Variants in SMC5 observed in about 807,000 individuals in gnomAD.
SMC5 encodes structural maintenance of chromosomes protein 5.
A neutral mutation model predicts 148.3 loss-of-function variants in SMC5; 88 were observed. That is an observed-to-expected ratio of 0.59 (90% CI 0.50 to 0.71). SMC5 has a LOEUF of 0.71. Ranked by LOEUF, SMC5 falls within the 30% of genes least tolerant of loss-of-function variation. SMC5 has a pLI of 0.00. For synonymous variants in SMC5, 421 were observed against 432.8 expected (o/e 0.97, Z 0.34); for missense variants, 1,142 against 1,298.9 (o/e 0.88, Z 1.86).
At chr9:70,340,144 A>C (rs1157409378) in intron 17 of SMC5, among the ~76,000 whole-genome samples, 2 of 152,030 alleles carry the variant, frequency 1.3e-5, no homozygotes, top group Non-Finnish European at 2.9e-5. Context: ...TTACATCAGA[A>C]TTAATATTAG....
At chr9:70,285,726 A>G (rs1046692263) in intron 7 of SMC5, among the ~76,000 whole-genome samples, 13 of 152,234 alleles carry the variant, frequency 8.5e-5, no homozygotes, top group Non-Finnish European at 1.9e-4. Flanking sequence ...GATGTGTAAT[A>G]TGTGTCTATA....
chr9:70,324,308 G>T (rs1282816035), intron 17 of SMC5, among the ~76,000 whole-genome samples, 165 bp downstream of exon 17: 1 of 152,132 alleles, frequency 6.6e-6, no homozygotes, highest in Non-Finnish European at 1.5e-5. Flanking sequence ...AAATACTTAA[G>T]ACTGGTTGAG....
chr9:70,273,862 A>G (rs890079423), intron 3 of SMC5, among the ~76,000 whole-genome samples: 2 of 152,198 alleles, frequency 1.3e-5, no homozygotes, highest in African/African-American at 2.4e-5. Flanking sequence ...GGCTAAAAGA[A>G]TAAGTTTTCT....
At chr9:70,345,993 A>G (rs1347622081) in intron 18 of SMC5, among the ~76,000 whole-genome samples, 1 of 152,176 alleles carries the variant, frequency 6.6e-6, no homozygotes, top group African/African-American at 2.4e-5. Context: ...TGGATTTGAC[A>G]TGAAGGATGA....
At chr9:70,288,785 C>A (rs1473219431) in intron 8 of SMC5, among the ~76,000 whole-genome samples, 3 of 152,006 alleles carry the variant, frequency 2.0e-5, no homozygotes, top group Non-Finnish European at 2.9e-5. Context: ...TTCTACTTAA[C>A]ACTGCTTTAT....
At chr9:70,266,986 C>G (rs1587615786) in intron 2 of SMC5, among the ~76,000 whole-genome samples, 1 of 150,566 alleles carries the variant, frequency 6.6e-6, no homozygotes, top group South Asian at 2.1e-4. Context: ...ATGTTAAAAC[C>G]TGTACTTTTA....
intron 8 of SMC5, among the ~76,000 whole-genome samples, chr9:70,294,080 A>T (rs1291530932): frequency 6.6e-6 from 1 of 152,142 alleles, no homozygotes; most frequent in Non-Finnish European, 1.5e-5. Flanking sequence ...AGCAAAGCAG[A>T]ATGAGTAAGG....
Position 70,350,262 on chromosome 9 carries a change from G to T in SMC5, c.3038G>T (p.Cys1013Phe). 1 of 1,613,184 alleles carries T rather than the reference G, an allele frequency of 6.2e-7. No homozygotes were observed. The highest frequency in any genetic ancestry group is 1.1e-5 in the South Asian group (1 of 90,860). Reference protein sequence around the residue: ...YLMALQELNRCPFRVVDEINQ... With the variant: ...YLMALQELNRFPFRVVDEINQ... The stretch of plus-strand genomic sequence containing the variant: ...ATGGCACTTCAGGAGCTAAATAGAT[G>T]TCCATTCAGAGTAGTTGATGAAATC... The change falls in exon 23 of 25, where the codon TGT (cysteine) becomes TTT (phenylalanine). Residue 1013 changes from cysteine (C) to phenylalanine (F), a missense_variant. By Grantham distance (205) the Cys-to-Phe change is radical (BLOSUM62 -2). This residue lies in a region of SMC5 where 30 missense variants were observed against 65.3 expected (regional missense o/e 0.46). Coordinates refer to ENST00000361138, the MANE Select transcript of SMC5 (RefSeq NM_015110.4).
intron 9 of SMC5, among the ~76,000 whole-genome samples, chr9:70,298,483 T>C (rs2035267585): frequency 6.6e-6 from 1 of 152,152 alleles, no homozygotes; most frequent in Admixed American, 6.5e-5. Flanking sequence ...CTTTATTTTC[T>C]TTACAAAGTC....
Position 70,323,475 on chromosome 9 carries a change from T to G in SMC5, c.2151-8T>G, listed in dbSNP as rs757166217. 1 of 1,602,326 alleles carries G rather than the reference T, an allele frequency of 6.2e-7. No individual in the cohort carries two copies. The highest frequency in any genetic ancestry group is 1.7e-5 in the Admixed American group (1 of 57,594). Reference sequence around the variant, plus strand: ...ACTGATTTCTTCATTATTATATGTGTCATACAGTTTAAAGCTGATGGAACA... The same window carrying G: ...ACTGATTTCTTCATTATTATATGTGGCATACAGTTTAAAGCTGATGGAACA... On this transcript the variant is annotated splice_polypyrimidine_tract_variant and splice_region_variant and intron_variant, in intron 15 of 24. Coordinates refer to ENST00000361138, the MANE Select transcript of SMC5 (RefSeq NM_015110.4).
intron 8 of SMC5, among the ~76,000 whole-genome samples, chr9:70,288,296 A>T (rs1384222233): frequency 4.6e-5 from 7 of 152,150 alleles, no homozygotes; most frequent in South Asian, 2.1e-4. Flanking sequence ...GCTTATGCAG[A>T]CCTGGTAAAT....
Position 70,349,321 on chromosome 9 carries a change from C to T in SMC5, c.2890-793C>T, listed in dbSNP as rs577575442. Among the ~76,000 whole-genome samples, 14 of 152,276 alleles carry T rather than the reference C, an allele frequency of 9.2e-5. No individual in the cohort carries two copies. The South Asian group carries it at 2.7e-3, about 29-fold the overall frequency. On this transcript the variant is annotated intron_variant, in intron 22 of 24. Transcript: ENST00000361138. ...ACCTGAAGTGATCCACCCCCCTCGGCCTCCCAAATTGCTGGGATTACAGGC... is the reference window on the plus strand; with the variant it reads ...ACCTGAAGTGATCCACCCCCCTCGGTCTCCCAAATTGCTGGGATTACAGGC...
chr9:70,306,675 A>G (rs181341409), intron 11 of SMC5, among the ~76,000 whole-genome samples: 28 of 152,306 alleles, frequency 1.8e-4, no homozygotes, highest in Middle Eastern at 3.4e-3. Flanking sequence ...CCTGGTGTCA[A>G]AAACTCATTC....
chr9:70,280,483 T>C (rs1394801079), intron 5 of SMC5, among the ~76,000 whole-genome samples: 3 of 152,226 alleles, frequency 2.0e-5, no homozygotes, highest in Non-Finnish European at 4.4e-5. Flanking sequence ...AAGAAGAGCC[T>C]GGGCTCAGAT....
At chr9:70,279,817 CAA>C (rs561567100) in intron 5 of SMC5, among the ~76,000 whole-genome samples, 22 of 56,584 alleles carry the variant, frequency 3.9e-4, no homozygotes, top group Admixed American at 7.6e-4. Context: ...AACTCCGTTT[CAA>C]AAAAAAAAAA....
At position 70,298,185 on chromosome 9, in the gene SMC5, C is replaced by T. The variant is rs1429544702; in HGVS notation, c.1273C>T (p.Arg425Ter). Residue 425 changes from arginine to a stop codon, truncating the protein, a stop_gained, in exon 9 of 25, where the codon CGA (arginine) becomes TGA (stop). Coordinates refer to ENST00000361138, the MANE Select transcript of SMC5 (RefSeq NM_015110.4). LOFTEE classifies it high-confidence loss of function. Reference protein sequence around the residue: ...ALCEGEIIDKRRERETLEKEK... With the variant: ...ALCEGEIIDK The stretch of plus-strand genomic sequence containing the variant: ...ATGTGAAGGCGAAATAATTGATAAG[C>T]GAAGAGAGAGGGAAACTCTAGAGAA... The T allele has an allele frequency of 1.9e-6, 3 of 1,613,278 alleles. No individual in the cohort carries two copies. The highest frequency in any genetic ancestry group is 1.1e-5 in the South Asian group (1 of 90,970).
chr9:70,331,826 T>G (rs1406527022), intron 17 of SMC5, among the ~76,000 whole-genome samples: 1 of 152,122 alleles, frequency 6.6e-6, no homozygotes, highest in Non-Finnish European at 1.5e-5. Context: ...TGTGAGTATG[T>G]CAAATAGAGG....
At chr9:70,289,465 A>G (rs1159281446) in intron 8 of SMC5, among the ~76,000 whole-genome samples, 1 of 151,936 alleles carries the variant, frequency 6.6e-6, no homozygotes, top group Non-Finnish European at 1.5e-5. Context: ...TTATTTCTGT[A>G]CCATGTTTTA....
intron 1 of SMC5, among the ~76,000 whole-genome samples, chr9:70,260,506 A>G (rs2034088470): frequency 6.6e-6 from 1 of 152,016 alleles, no homozygotes. Context: ...TGCCAGGTAC[A>G]TAGTGCACTC....
Sources: allele counts gnomAD v4.1 joint callset (sites outside exome capture counted in the v4.1 genomes callset), GRCh38; gene constraint gnomAD v4.1.1; regional missense constraint gnomAD v4.1.1; transcripts MANE v1.5; gene names NCBI Gene and HGNC (gene_info 2026-07-23, HGNC 2026-07-21).